SPAG16: variants seen among roughly 807,000 people sequenced by gnomAD.
SPAG16 encodes sperm-associated antigen 16 protein.
SPAG16 carries 86 observed loss-of-function variants against 80.4 expected under a neutral mutation model. The observed-to-expected ratio is 1.07, with a 90% CI of 0.90 to 1.28. The LOEUF is 1.28. Among genes scored for constraint, SPAG16 ranks in the 50% most tolerant of loss-of-function variants. The probability of loss-of-function intolerance (pLI) is 0.00; values close to 1 mark genes in which losing one functional copy is unlikely to be tolerated. For synonymous variants in SPAG16, 294 were observed against 265.9 expected, an observed-to-expected ratio of 1.11 and a Z score of -1.03; for missense variants, 870 against 765.3, an observed-to-expected ratio of 1.14 and a Z score of -1.61.
At chr2:214,031,200 C>A (rs1848915) in intron 13 of SPAG16, among the ~76,000 whole-genome samples, 122,249 of 151,550 alleles carry the variant, frequency 0.81, 49,458 homozygotes, top group South Asian at 0.87. Context: ...GAGGTCCAAC[C>A]ATGATAGACT....
At chr2:213,294,200 C>T (rs1278593053) in intron 1 of SPAG16, among the ~76,000 whole-genome samples, 2 of 152,168 alleles carry the variant, frequency 1.3e-5, no homozygotes, top group Non-Finnish European at 2.9e-5. Flanking sequence ...CTGTATCTAA[C>T]ATTTCACTTA....
intron 11 of SPAG16, among the ~76,000 whole-genome samples, chr2:213,863,646 C>T (rs192699356): frequency 6.6e-6 from 1 of 152,028 alleles, no homozygotes; most frequent in Admixed American, 6.6e-5. Context: ...ACCCTCTCAC[C>T]TCTTAGGAAC....
At chr2:213,428,471 G>C (rs1312534854) in intron 9 of SPAG16, among the ~76,000 whole-genome samples, 1 of 152,166 alleles carries the variant, frequency 6.6e-6, no homozygotes, top group East Asian at 1.9e-4. Context: ...GGGATTCTGT[G>C]ATCTAGCAGC....
intron 12 of SPAG16, among the ~76,000 whole-genome samples, chr2:213,975,884 C>T (rs529815342): frequency 4.6e-5 from 7 of 151,644 alleles, no homozygotes; most frequent in East Asian, 1.9e-4. Flanking sequence ...GGTGGCAGCT[C>T]GGCTGGGTGG....
chr2:213,851,202 A>G (rs2074887565), intron 10 of SPAG16, among the ~76,000 whole-genome samples: 1 of 152,172 alleles, frequency 6.6e-6, no homozygotes. Context: ...GTTTAAAAAG[A>G]TTTGGGTTGA....
chr2:214,383,356 T>C (rs1700561922), intron 15 of SPAG16, among the ~76,000 whole-genome samples: 1 of 152,074 alleles, frequency 6.6e-6, no homozygotes, highest in South Asian at 2.1e-4. Flanking sequence ...GCAGATCACC[T>C]GAGGTCAGGA....
At chr2:213,577,365 C>T (rs1394218141) in intron 10 of SPAG16, among the ~76,000 whole-genome samples, 3 of 152,128 alleles carry the variant, frequency 2.0e-5, no homozygotes, top group African/African-American at 7.2e-5. Flanking sequence ...GCTTATTTTT[C>T]TCACACCACA....
At chr2:213,729,101 G>C (rs996651293) in intron 10 of SPAG16, among the ~76,000 whole-genome samples, 7 of 152,020 alleles carry the variant, frequency 4.6e-5, no homozygotes, top group Admixed American at 4.6e-4. Context: ...CTCTACAAAA[G>C]ATTTCTTGCA....
At chr2:213,317,037 T>C (rs1315010592) in intron 4 of SPAG16, among the ~76,000 whole-genome samples, 182 bp from the exon 5 acceptor site, 1 of 152,104 alleles carries the variant, frequency 6.6e-6, no homozygotes, top group East Asian at 1.9e-4. Context: ...ATGGTATTGG[T>C]ACCTAGAAGT....
chr2:213,408,051 CAG>C (rs560348436), intron 9 of SPAG16, among the ~76,000 whole-genome samples: 1 of 136,718 alleles, frequency 7.3e-6, no homozygotes, highest in African/African-American at 2.8e-5. Flanking sequence ...GAGAGACAGG[CAG>C]AGAGAGGGAG....
At chr2:213,302,216 T>C (rs1445222898) in intron 3 of SPAG16, among the ~76,000 whole-genome samples, 1 of 152,162 alleles carries the variant, frequency 6.6e-6, no homozygotes, top group Admixed American at 6.5e-5. Context: ...CATGTTTCGC[T>C]AGTTTGTAGA....
chr2:213,468,543 A>ATCTC (rs1443964216), intron 9 of SPAG16, among the ~76,000 whole-genome samples: 6 of 122,808 alleles, frequency 4.9e-5, no homozygotes, highest in African/African-American at 2.6e-4. Flanking sequence ...AGATATATAT[A>ATCTC]TATGTATTTA....
intron 9 of SPAG16, among the ~76,000 whole-genome samples, chr2:213,435,498 A>G (rs1247103751): frequency 1.3e-5 from 2 of 152,242 alleles, no homozygotes; most frequent in African/African-American, 4.8e-5. Flanking sequence ...TGATATATCC[A>G]TGTAACAAAA....
intron 9 of SPAG16, among the ~76,000 whole-genome samples, chr2:213,445,523 G>A (rs1391825695): frequency 5.9e-5 from 9 of 152,146 alleles, no homozygotes; most frequent in Middle Eastern, 3.4e-3. Flanking sequence ...TTAGCTGGGC[G>A]TAGTGGTGGG....
intron 15 of SPAG16, among the ~76,000 whole-genome samples, chr2:214,381,091 C>G (rs1417704115): frequency 1.3e-5 from 2 of 152,126 alleles, no homozygotes; most frequent in African/African-American, 4.8e-5. Context: ...AGTTGGTATG[C>G]TTGATGAAGA....
At chr2:213,991,166 C>T (rs1028516874) in intron 12 of SPAG16, among the ~76,000 whole-genome samples, 14 of 152,070 alleles carry the variant, frequency 9.2e-5, no homozygotes, top group African/African-American at 2.4e-4. Context: ...CCCCACTCCC[C>T]GTCAGGCCCT....
intron 11 of SPAG16, among the ~76,000 whole-genome samples, chr2:213,910,710 G>A (rs542016910): frequency 3.1e-5 from 1 of 31,856 alleles, no homozygotes; most frequent in East Asian, 9.2e-4. Flanking sequence ...GAATGGTCTC[G>A]ATCTCCTGAC....
chr2:213,980,123 G>A (rs1203807015), intron 12 of SPAG16, among the ~76,000 whole-genome samples: 1 of 150,634 alleles, frequency 6.6e-6, no homozygotes, highest in Admixed American at 6.7e-5. Context: ...AGGCTGAGGT[G>A]GGTAGATCAC....
At chr2:213,577,462 G>A (rs963093575) in intron 10 of SPAG16, among the ~76,000 whole-genome samples, 1 of 151,956 alleles carries the variant, frequency 6.6e-6, no homozygotes, top group African/African-American at 2.4e-5. Context: ...TTCCAGTCCC[G>A]TTTCCTAATC....
Sources: allele counts gnomAD v4.1 joint callset (sites outside exome capture counted in the v4.1 genomes callset), GRCh38; gene constraint gnomAD v4.1.1; transcripts MANE v1.5; gene names NCBI Gene and HGNC (gene_info 2026-07-23, HGNC 2026-07-21).